Variants in IQSEC1 observed in about 807,000 individuals in gnomAD.
IQSEC1 encodes the protein IQ motif and SEC7 domain-containing protein 1.
Under a neutral mutation model 91.0 loss-of-function variants are expected in IQSEC1, and 31 were observed. The observed-to-expected ratio is 0.34, with a 90% CI of 0.26 to 0.46. IQSEC1 has a LOEUF of 0.46. Ranked by LOEUF, IQSEC1 falls within the 20% of genes least tolerant of loss-of-function variation. The pLI is 1.00. For missense variants in IQSEC1, 1,388 were observed against 1,575.6 expected, an observed-to-expected ratio of 0.88 and a Z score of 2.02; for synonymous variants, 699 against 662.6, an observed-to-expected ratio of 1.05 and a Z score of -0.84.
intron 1 of IQSEC1, among the ~76,000 whole-genome samples, chr3:13,218,144 G>A (rs1488974121): frequency 2.0e-5 from 3 of 152,202 alleles, no homozygotes; most frequent in Non-Finnish European, 4.4e-5. Context: ...AAGCTGTGTC[G>A]GGGGTGGGAG....
chr3:13,171,035 G>A (rs1693597030), intron 1 of IQSEC1, among the ~76,000 whole-genome samples: 2 of 152,032 alleles, frequency 1.3e-5, no homozygotes, highest in South Asian at 4.1e-4. Context: ...AGGAGGCGGA[G>A]GTTGCAGAGA....
intron 2 of IQSEC1, among the ~76,000 whole-genome samples, chr3:13,088,517 C>T (rs1254460097): frequency 1.3e-5 from 2 of 152,060 alleles, no homozygotes; most frequent in Non-Finnish European, 2.9e-5. Flanking sequence ...CTGTCGCCCT[C>T]CCCGCTCCTC....
chr3:13,070,586 T>G (rs182403252), intron 1 of IQSEC1, among the ~76,000 whole-genome samples: 15 of 152,284 alleles, frequency 9.9e-5, no homozygotes, highest in African/African-American at 3.6e-4. Context: ...CACAGGCTTA[T>G]CAAGTGCAGC....
upstream of IQSEC1, among the ~76,000 whole-genome samples, chr3:13,075,169 A>G (rs1333785220): frequency 6.6e-6 from 1 of 151,788 alleles, no homozygotes; most frequent in East Asian, 1.9e-4. Flanking sequence ...CCCTCTCCTC[A>G]CTGGAGTTTC....
chr3:13,199,926 G>A (rs1421930566), intron 1 of IQSEC1, among the ~76,000 whole-genome samples: 1 of 134,004 alleles, frequency 7.5e-6, no homozygotes, highest in East Asian at 2.2e-4. Context: ...CACACACCAC[G>A]CACGTCACAC....
chr3:13,117,853 C>G (rs1007108301), intron 2 of IQSEC1, among the ~76,000 whole-genome samples: 2 of 152,180 alleles, frequency 1.3e-5, no homozygotes, highest in African/African-American at 2.4e-5. Context: ...CCACTGCACT[C>G]CAGCCTAGCT....
intron 1 of IQSEC1, among the ~76,000 whole-genome samples, chr3:13,167,738 G>A (rs1040662006): frequency 2.6e-5 from 4 of 152,176 alleles, no homozygotes; most frequent in African/African-American, 4.8e-5. Context: ...AGTGTTTGTC[G>A]CTCTGGTTCC....
At chr3:12,985,498 C>G (rs548686539) in intron 1 of IQSEC1, among the ~76,000 whole-genome samples, 80 of 152,100 alleles carry the variant, frequency 5.3e-4, no homozygotes, top group African/African-American at 1.8e-3. Context: ...AATCCCCCCC[C>G]CCCCGCCAAC....
chr3:12,961,513 T>C (rs1484611289), intron 1 of IQSEC1, among the ~76,000 whole-genome samples: 1 of 152,222 alleles, frequency 6.6e-6, no homozygotes, highest in African/African-American at 2.4e-5. Context: ...AGTCACTTCT[T>C]ACTGTGTCTG....
chr3:13,246,760 C>T (rs1051701531), intron 1 of IQSEC1, among the ~76,000 whole-genome samples: 1 of 152,082 alleles, frequency 6.6e-6, no homozygotes, highest in South Asian at 2.1e-4. Context: ...TGGTCAGGGG[C>T]GATGTCCTAT....
chr3:13,149,895 T>C (rs1706966272), intron 2 of IQSEC1, among the ~76,000 whole-genome samples: 1 of 152,166 alleles, frequency 6.6e-6, no homozygotes, highest in Non-Finnish European at 1.5e-5. Flanking sequence ...CTTCAAAGTT[T>C]ATAGGAAATG....
At chr3:13,189,594 G>A (rs1231274325) in intron 1 of IQSEC1, among the ~76,000 whole-genome samples, 1 of 152,196 alleles carries the variant, frequency 6.6e-6, no homozygotes, top group African/African-American at 2.4e-5. Flanking sequence ...AGTGACAGCA[G>A]AACATAAGTC....
intron 1 of IQSEC1, among the ~76,000 whole-genome samples, chr3:13,224,416 CCCAGCCCAGGCAGGGACCG>C (rs1694717264): frequency 6.6e-6 from 1 of 152,108 alleles, no homozygotes; most frequent in Admixed American, 6.5e-5. Flanking sequence ...GGGCCCTGGG[CCCAGCCCAGGCAGGGACCG>C]CCTGCTGTCC....
chr3:13,141,018 C>A (rs6805063), intron 2 of IQSEC1, among the ~76,000 whole-genome samples: 1 of 152,096 alleles, frequency 6.6e-6, no homozygotes, highest in African/African-American at 2.4e-5. Context: ...GAGGGCACCA[C>A]GACGAAGGGC....
rs770817363 is a variant in IQSEC1, at chr3:12,985,489, ATC to A, written c.24-43626_24-43625del. On this transcript the variant is annotated intron_variant, in intron 1 of 13. Transcript: ENST00000613206. ...AGACACCGTTCTTTACTGCTTAACA[ATC>A]CCCCCCCCCCCGCCAACCGTTTGCC... Among the ~76,000 whole-genome samples, 9 of 58,664 alleles carry A rather than the reference ATC, an allele frequency of 1.5e-4. No homozygotes were observed. In the East Asian group the frequency reaches 8.6e-3, roughly 56 times the overall value. 38.5% of individuals were successfully genotyped at this position (58,664 alleles called of 152,430 possible).
chr3:13,046,667 G>A (rs1227413662), intron 1 of IQSEC1, among the ~76,000 whole-genome samples: 1 of 150,818 alleles, frequency 6.6e-6, no homozygotes, highest in East Asian at 2.0e-4. Context: ...CCCTCTCCAT[G>A]GCCCGGCCAC....
intron 1 of IQSEC1, among the ~76,000 whole-genome samples, chr3:13,202,290 C>T (rs1694258647): frequency 1.3e-5 from 2 of 152,202 alleles, no homozygotes; most frequent in Admixed American, 1.3e-4. Context: ...GATCCAGCAA[C>T]CCCTCTTCTG....
chr3:12,908,823 G>A lies in IQSEC1; in HGVS notation c.2579-298C>T. 6.6e-6 allele frequency among the ~76,000 whole-genome samples: 1 copy of A among 152,080 alleles called. No individual in the cohort carries two copies. Among genetic ancestry groups the A allele is most frequent in the Non-Finnish European group, 1.5e-5 (1 of 67,978 alleles). Reference sequence around the variant, plus strand: ...TGCCTGGGTCTGAGAGATGAGCAAAGATTAGCCAGGGTCTTCCACAGAGAG... The same window carrying A: ...TGCCTGGGTCTGAGAGATGAGCAAAAATTAGCCAGGGTCTTCCACAGAGAG... On this transcript the variant is annotated intron_variant, in intron 11 of 13. Transcript: ENST00000613206. This position sits in a 1 kb window ranked among gnomAD's most constrained non-coding sequence, Gnocchi z 4.9.
intron 2 of IQSEC1, among the ~76,000 whole-genome samples, chr3:13,090,948 A>G (rs191852533): frequency 2.9e-4 from 44 of 152,332 alleles, no homozygotes; most frequent in African/African-American, 1.0e-3. Flanking sequence ...CCGCGGGGAC[A>G]GCACTGGAAG....
Sources: allele counts gnomAD v4.1 joint callset (sites outside exome capture counted in the v4.1 genomes callset), GRCh38; gene constraint gnomAD v4.1.1; non-coding constraint Gnocchi (gnomAD v3.1); transcripts MANE v1.5; gene names NCBI Gene and HGNC (gene_info 2026-07-23, HGNC 2026-07-21).